The following PTK2B variants were observed in gnomAD, a reference collection of about 807,000 sequenced individuals.
The protein encoded by PTK2B is protein-tyrosine kinase 2-beta.
Under a neutral mutation model 142.9 loss-of-function variants are expected in PTK2B, and 71 were observed. The ratio of observed to expected loss-of-function variants is 0.50; its 90% confidence interval spans 0.41 to 0.61. PTK2B has a LOEUF of 0.61. Ranked by LOEUF, PTK2B falls within the 20% of genes least tolerant of loss-of-function variation. PTK2B has a pLI of 0.00. For synonymous variants in PTK2B, 519 were observed against 503.4 expected (o/e 1.03, Z -0.42); for missense variants, 1,105 against 1,320.4 (o/e 0.84, Z 2.53).
chr8:27,370,775 C>T (rs1806305744), intron 1 of PTK2B, among the ~76,000 whole-genome samples: 1 of 152,198 alleles, frequency 6.6e-6, no homozygotes, highest in South Asian at 2.1e-4. Context: ...AGACCTTTTT[C>T]CCCCTGTTAC....
At chr8:27,370,074 C>G (rs1373213350) in intron 1 of PTK2B, among the ~76,000 whole-genome samples, 1 of 152,236 alleles carries the variant, frequency 6.6e-6, no homozygotes, top group Non-Finnish European at 1.5e-5. Context: ...ATGTGTTGGG[C>G]TCAGGGTCTC....
At chr8:27,344,479 AAGG>A (rs1322283542) in intron 1 of PTK2B, among the ~76,000 whole-genome samples, 1 of 152,168 alleles carries the variant, frequency 6.6e-6, no homozygotes, top group Non-Finnish European at 1.5e-5. Flanking sequence ...CAAAGATTAA[AAGG>A]AGATCATACA....
rs184319537 is a variant in PTK2B at position 27,369,887 on chromosome 8, G to C, written c.-37-27661G>C. Among the ~76,000 whole-genome samples, 786 of 152,192 alleles carry C rather than the reference G, an allele frequency of 5.2e-3. 11 individuals carry two copies. Among genetic ancestry groups the C allele is most frequent in the African/African-American group, 0.018 (754 of 41,482 alleles). On this transcript the variant is annotated intron_variant, in intron 1 of 30. Transcript: ENST00000346049. The stretch of plus-strand genomic sequence containing the variant: ...AGCTACTCGGAAGGCTGAGGCAGGA[G>C]AATAGCTTGAGCTCAGGAGGCGGAG...
At chr8:27,317,498 G>C (rs1021693714) in intron 3 of PTK2B, among the ~76,000 whole-genome samples, 2 of 152,166 alleles carry the variant, frequency 1.3e-5, no homozygotes, top group African/African-American at 4.8e-5. Context: ...TCATCATGCA[G>C]GACTTTTGCC....
At chr8:27,432,091 G>C (rs1810465657) in intron 9 of PTK2B, 169 bp from the exon 10 acceptor site, 1 of 557,098 alleles carries the variant, frequency 1.8e-6, no homozygotes, top group Non-Finnish European at 3.2e-6. Flanking sequence ...CAAAAGATTG[G>C]ACACCCCTGA....
intron 3 of PTK2B, among the ~76,000 whole-genome samples, chr8:27,318,279 G>A (rs962660838): frequency 7.2e-5 from 11 of 152,248 alleles, no homozygotes; most frequent in Middle Eastern, 3.4e-3. Flanking sequence ...TCCTGCACAC[G>A]GTGGGCTGGG....
At chr8:27,415,072 G>C (rs1809317879) in intron 2 of PTK2B, among the ~76,000 whole-genome samples, 1 of 152,168 alleles carries the variant, frequency 6.6e-6, no homozygotes, top group Admixed American at 6.5e-5. Flanking sequence ...TTGTTTGGGG[G>C]GCTGTTTTTT....
chr8:27,319,338 C>A (rs1803158331), intron 3 of PTK2B, among the ~76,000 whole-genome samples: 2 of 143,652 alleles, frequency 1.4e-5, no homozygotes, highest in African/African-American at 2.6e-5. Flanking sequence ...TTTTCAGGAA[C>A]CCGTTTTAAA....
intron 5 of PTK2B, among the ~76,000 whole-genome samples, chr8:27,429,459 T>A (rs1460020561): frequency 6.6e-6 from 1 of 152,230 alleles, no homozygotes; most frequent in Non-Finnish European, 1.5e-5. Flanking sequence ...GTGAGAACAT[T>A]AGCTATTTGG....
In PTK2B at chr8:27,458,452, C is replaced by T. The variant is rs377662396; in HGVS notation, c.2973C>T (p.Leu991=). Residue 991 remains leucine (L), a synonymous_variant, in exon 31 of 31, where the codon CTC becomes CTT. Coordinates refer to ENST00000346049, the MANE Select transcript of PTK2B (RefSeq NM_173176.3). ...HTLAVDAKNL[L]DAVDQAKVLA... is the part of the protein sequence containing the mutation. ...TGGCTGTGGACGCCAAGAACCTGCT[C>T]GACGCTGTGGACCAGGCCAAGGTTC... 53 of 1,604,128 alleles carry T rather than the reference C, an allele frequency of 3.3e-5. 1 individual carries two copies. In the South Asian group the frequency reaches 3.7e-4, roughly 11 times the overall value.
At chr8:27,408,177 A>C (rs2131604027) in intron 2 of PTK2B, among the ~76,000 whole-genome samples, 1 of 146,394 alleles carries the variant, frequency 6.8e-6, no homozygotes, top group African/African-American at 2.5e-5. Context: ...TGTCTTCCCC[A>C]AGGTGGGTCA....
intron 1 of PTK2B, among the ~76,000 whole-genome samples, chr8:27,326,150 T>G (rs781188997): frequency 5.3e-5 from 8 of 152,072 alleles, no homozygotes; most frequent in African/African-American, 9.7e-5. Context: ...TCCTTGCACC[T>G]GAGAGGTCAT....
intron 1 of PTK2B, among the ~76,000 whole-genome samples, chr8:27,331,609 C>A (rs1803754697): frequency 6.6e-6 from 1 of 152,046 alleles, no homozygotes; most frequent in African/African-American, 2.4e-5. Context: ...GCCTCAGCTT[C>A]CCGAGTAGCT....
At chr8:27,401,870 A>G (rs1252169584) in intron 2 of PTK2B, among the ~76,000 whole-genome samples, 2 of 152,140 alleles carry the variant, frequency 1.3e-5, no homozygotes, top group African/African-American at 4.8e-5. Context: ...GATTATAGCC[A>G]TGGGGATAGT....
At chr8:27,314,600 A>G (rs1425126529) in intron 3 of PTK2B, among the ~76,000 whole-genome samples, 1 of 152,242 alleles carries the variant, frequency 6.6e-6, no homozygotes, top group Non-Finnish European at 1.5e-5. Context: ...CCATTTACAT[A>G]GGGCGTACCC....
intron 27 of PTK2B, 180 bp from the exon 28 acceptor site, chr8:27,452,934 C>T (rs1054947348): frequency 4.4e-6 from 3 of 676,354 alleles, no homozygotes; most frequent in African/African-American, 1.8e-5. Flanking sequence ...CTGTCCCTGA[C>T]TACTGCAAAA....
chr8:27,328,531 A>G (rs1255874844), intron 1 of PTK2B, among the ~76,000 whole-genome samples: 1 of 152,160 alleles, frequency 6.6e-6, no homozygotes, highest in East Asian at 1.9e-4. Flanking sequence ...AAATCTCCCC[A>G]TCCCCCTGTG....
intron 22 of PTK2B, among the ~76,000 whole-genome samples, chr8:27,443,785 C>T (rs1025042441): frequency 2.6e-5 from 4 of 152,158 alleles, no homozygotes; most frequent in African/African-American, 9.7e-5. Flanking sequence ...CTCACTTGTC[C>T]CTCTTGCCTG....
intron 1 of PTK2B, among the ~76,000 whole-genome samples, chr8:27,346,187 A>G (rs1804699717): frequency 6.6e-6 from 1 of 152,168 alleles, no homozygotes; most frequent in Non-Finnish European, 1.5e-5. Context: ...CAGACAGGGA[A>G]GAGCTCATAA....
Sources: gnomAD v4.1 joint callset for allele counts (sites outside exome capture counted in the v4.1 genomes callset) on GRCh38, gnomAD v4.1.1 for gene constraint, MANE v1.5 for transcripts, NCBI Gene and HGNC (gene_info 2026-07-23, HGNC 2026-07-21) for gene names.